The following OLFM2 variants were observed in gnomAD, a reference collection of about 807,000 sequenced individuals.
The protein encoded by OLFM2 is noelin-2.
OLFM2 carries 20 observed loss-of-function variants against 43.9 expected under a neutral mutation model. That is an observed-to-expected ratio of 0.46 (90% CI 0.32 to 0.66). The LOEUF is 0.66. Ranked by LOEUF, OLFM2 falls within the 30% of genes least tolerant of loss-of-function variation. The probability of loss-of-function intolerance (pLI) is 0.04; values close to 1 mark genes in which losing one functional copy is unlikely to be tolerated. For missense variants in OLFM2, 416 were observed against 643.6 expected (o/e 0.65, Z 3.83); for synonymous variants, 268 against 278.6 (o/e 0.96, Z 0.38).
chr19:9,930,093 C>G (rs2086473930), intron 1 of OLFM2, among the ~76,000 whole-genome samples: 1 of 151,998 alleles, frequency 6.6e-6, no homozygotes, highest in Non-Finnish European at 1.5e-5. Flanking sequence ...GGTTGGCCTA[C>G]ATGGATACAG....
chr19:9,857,273 G>A lies in OLFM2; in HGVS notation c.570C>T (p.Ala190=). The A allele has an allele frequency of 6.2e-7, 1 of 1,613,884 alleles. No homozygotes were observed. The highest frequency in any genetic ancestry group is 2.2e-5 in the East Asian group (1 of 44,886). Residue 190 remains alanine, a synonymous_variant, in exon 4 of 6, where the codon GCC becomes GCT. Coordinates refer to ENST00000264833, the MANE Select transcript of OLFM2 (RefSeq NM_058164.4). The surrounding 1 kb of genome is among the most constrained non-coding windows in gnomAD (Gnocchi z 5.7). ...AGGGCCAAGGCATACCCAGCTTCTG[G>A]GCGCAGGCGTGGAGCCGGGCCTCCA... The part of the protein sequence containing the change: ...MALEARLHAC[A]QKLGCGKLTG...
rs1170256246 is a variant in OLFM2, at chr19:9,860,478, A to AG, written c.213+166_213+167insC. Among the ~76,000 whole-genome samples, 5 of 18,224 alleles carry AG rather than the reference A, an allele frequency of 2.7e-4. No individual in the cohort carries two copies. In the Admixed American group the frequency reaches 3.6e-3, roughly 13 times the overall value. The allele number at this position is 18,224 out of a possible 152,430, so 12.0% of individuals were successfully genotyped here. A position where few individuals can be genotyped will look rare whatever the true frequency, so the allele number is the denominator to read the frequency against. On this transcript the variant is annotated intron_variant, in intron 2 of 5. Coordinates refer to ENST00000264833, the MANE Select transcript of OLFM2 (RefSeq NM_058164.4). Reference sequence around the variant, plus strand: ...CAGAGTGAGACCCTGTGTTAAAAGGAAAAAAAAAAAAAAAGGACCTGCCTG... The same window carrying AG: ...CAGAGTGAGACCCTGTGTTAAAAGGAGAAAAAAAAAAAAAAGGACCTGCCTG...
chr19:9,918,262 C>G (rs1403820296), intron 1 of OLFM2, among the ~76,000 whole-genome samples: 1 of 152,094 alleles, frequency 6.6e-6, no homozygotes, highest in Non-Finnish European at 1.5e-5. Flanking sequence ...GCAATCATAG[C>G]TCACTGCAAC....
At chr19:9,866,814 T>C (rs938543435) in intron 1 of OLFM2, among the ~76,000 whole-genome samples, 2 of 152,170 alleles carry the variant, frequency 1.3e-5, no homozygotes, top group Non-Finnish European at 2.9e-5. Context: ...ACTCTCTCTT[T>C]GCTGAGCTCT....
At chr19:9,855,380 A>G (rs1291327980) in intron 5 of OLFM2, among the ~76,000 whole-genome samples, 2 of 151,480 alleles carry the variant, frequency 1.3e-5, no homozygotes, top group African/African-American at 4.9e-5. Context: ...AGCTGGGATT[A>G]CAGGCGCATC....
At chr19:9,936,223 A>T (rs908094794) in intron 1 of OLFM2, 81 bp downstream of exon 1, 1 of 1,431,356 alleles carries the variant, frequency 7.0e-7, no homozygotes, top group Admixed American at 2.1e-5. Context: ...GAGCCTCCCA[A>T]CCCCGTTTCT....
At chr19:9,926,520 C>T (rs1199988344) in intron 1 of OLFM2, among the ~76,000 whole-genome samples, 4 of 151,896 alleles carry the variant, frequency 2.6e-5, no homozygotes, top group Non-Finnish European at 4.4e-5. Context: ...CCACTGCACT[C>T]CAGCCTGGGA....
chr19:9,857,116 A>C lies in OLFM2; in HGVS notation c.580+147T>G. On this transcript the variant is annotated intron_variant, in intron 4 of 5. Transcript: ENST00000264833. The surrounding 1 kb of genome is among the most constrained non-coding windows in gnomAD (Gnocchi z 5.7). ...AGGGCCATTTCCAGCTTCTGGACTC[A>C]AGTGTAGCCTTAGGTAGGAAGGTCA... 2.3e-6 allele frequency: 2 copies of C among 875,734 alleles called. No individual in the cohort carries two copies. Among genetic ancestry groups the C allele is most frequent in the Non-Finnish European group, 3.7e-6 (2 of 547,350 alleles). The allele number at this position is 875,734 out of a possible 1,614,324, so 54.2% of individuals were successfully genotyped here. A position where few individuals can be genotyped will look rare whatever the true frequency, so the allele number is the denominator to read the frequency against.
intron 1 of OLFM2, among the ~76,000 whole-genome samples, chr19:9,867,877 C>G (rs1302188233): frequency 1.3e-5 from 2 of 151,798 alleles, no homozygotes; most frequent in Non-Finnish European, 2.9e-5. Context: ...TTAATTTGAT[C>G]AAAAGCTATT....
intron 1 of OLFM2, chr19:9,913,846 C>A: frequency 5.0e-6 from 1 of 201,986 alleles, no homozygotes; most frequent in Non-Finnish European, 8.8e-6. Context: ...GGCTCGGGCC[C>A]CCGCCCCCTC....
At chr19:9,859,198 T>G (rs540576084) in intron 2 of OLFM2, among the ~76,000 whole-genome samples, 1 of 152,352 alleles carries the variant, frequency 6.6e-6, no homozygotes, top group East Asian at 1.9e-4. Context: ...CCACAAAACA[T>G]TTTTACATAC....
At chr19:9,875,778 G>A (rs113989156) in intron 1 of OLFM2, among the ~76,000 whole-genome samples, 2,327 of 152,026 alleles carry the variant, frequency 0.015, 55 homozygotes, top group African/African-American at 0.053. Context: ...AAGGTGCTGG[G>A]ATTACAGGTA....
Position 9,857,193 on chromosome 19 carries a change from C to T in OLFM2, c.580+70G>A, listed in dbSNP as rs1312787107. On this transcript the variant is annotated intron_variant, in intron 4 of 5. Transcript: ENST00000264833. This position sits in a 1 kb window ranked among gnomAD's most constrained non-coding sequence, Gnocchi z 5.7. ...CAAAACTGTGTCCAGCTTCTAGGCA[C>T]AAACAGGTGATACTGGAGTTGGGTG... 19 of 1,436,378 alleles carry T rather than the reference C, an allele frequency of 1.3e-5. No individual in the cohort carries two copies. The highest frequency in any genetic ancestry group is 5.0e-5 in the Admixed American group (3 of 59,510). The allele number at this position is 1,436,378 out of a possible 1,614,324, so 89.0% of individuals were successfully genotyped here. A position where few individuals can be genotyped will look rare whatever the true frequency, so the allele number is the denominator to read the frequency against.
chr19:9,902,855 T>C (rs1340489649), intron 1 of OLFM2, among the ~76,000 whole-genome samples: 1 of 147,750 alleles, frequency 6.8e-6, no homozygotes, highest in Non-Finnish European at 1.5e-5. Context: ...TTATACTTTT[T>C]GCTGTAGAGA....
chr19:9,890,545 C>A lies in OLFM2; in HGVS notation c.64-29751G>T, dbSNP rs117946513. On this transcript the variant is annotated intron_variant, in intron 1 of 5. Transcript: ENST00000264833. ...GTCAACAGAACTGTTGACACATTTT[C>A]TAGTTCTTTTCTCTTAGGCACATGA... Among the ~76,000 whole-genome samples the A allele has an allele frequency of 4.4e-3, 668 of 152,362 alleles. 3 individuals carry two copies. Among genetic ancestry groups the A allele is most frequent in the South Asian group, 7.2e-3 (35 of 4,834 alleles).
At chr19:9,935,728 G>C (rs8107511) in intron 1 of OLFM2, among the ~76,000 whole-genome samples, 1 of 151,714 alleles carries the variant, frequency 6.6e-6, no homozygotes, top group African/African-American at 2.4e-5. Flanking sequence ...ACCCCAACTC[G>C]GGCACTAGTT....
In OLFM2 at chr19:9,930,949, A is replaced by C. The variant is rs552418218; in HGVS notation, c.63+5355T>G. Among the ~76,000 whole-genome samples the C allele has an allele frequency of 5.3e-5, 8 of 152,194 alleles. No homozygotes were observed. In the East Asian group the frequency reaches 1.4e-3, roughly 26 times the overall value. ...ACCCTGACCTGGGCACCCCCATCCCACATACGCACGCGCCCACGCACAGGT... is the reference window on the plus strand; with the variant it reads ...ACCCTGACCTGGGCACCCCCATCCCCCATACGCACGCGCCCACGCACAGGT... On this transcript the variant is annotated intron_variant, in intron 1 of 5. Coordinates refer to ENST00000264833, the MANE Select transcript of OLFM2 (RefSeq NM_058164.4).
chr19:9,881,579 C>A (rs2046540213), intron 1 of OLFM2, among the ~76,000 whole-genome samples: 1 of 152,140 alleles, frequency 6.6e-6, no homozygotes. Flanking sequence ...ACAGCCTCAA[C>A]CTCTTGGACT....
chr19:9,894,376 C>CAGT (rs58964211), intron 1 of OLFM2, among the ~76,000 whole-genome samples: 41,614 of 117,820 alleles, frequency 0.35, 8,683 homozygotes, highest in Admixed American at 0.5. Context: ...GACTCTCTCT[C>CAGT]AATAATAATA....
Sources: gnomAD v4.1 joint callset for allele counts (sites outside exome capture counted in the v4.1 genomes callset) on GRCh38, gnomAD v4.1.1 for gene constraint, Gnocchi (gnomAD v3.1) non-coding constraint, MANE v1.5 for transcripts, NCBI Gene and HGNC (gene_info 2026-07-23, HGNC 2026-07-21) for gene names.